The following TYW1B variants were observed in gnomAD, a reference collection of about 807,000 sequenced individuals.
TYW1B encodes the protein tRNA-yW synthesizing protein 1 homolog B, also known as S-adenosyl-L-methionine-dependent tRNA 4-demethylwyosine synthase TYW1B.
A neutral mutation model predicts 86.9 loss-of-function variants in TYW1B; 73 were observed. That is an observed-to-expected ratio of 0.84 (90% confidence interval 0.70 to 1.02). The LOEUF is 1.02. Among genes scored for constraint, TYW1B ranks in the 50% least tolerant of loss-of-function variants. The pLI, the probability that TYW1B is intolerant of heterozygous loss-of-function variation, is 0.00. For missense variants in TYW1B, 637 were observed against 827.4 expected, an observed-to-expected ratio of 0.77 and a Z score of 2.82; for synonymous variants, 248 against 292.8, an observed-to-expected ratio of 0.85 and a Z score of 1.56.
At chr7:72,819,045 G>A (rs1185485692) in intron 2 of TYW1B, among the ~76,000 whole-genome samples, 1 of 152,114 alleles carries the variant, frequency 6.6e-6, no homozygotes, top group East Asian at 1.9e-4. Context: ...CTAACACAAG[G>A]ATAAAGTGAG....
At chr7:72,650,829 T>C (rs1415559661) in intron 11 of TYW1B, among the ~76,000 whole-genome samples, 2 of 152,078 alleles carry the variant, frequency 1.3e-5, no homozygotes, top group African/African-American at 2.4e-5. Flanking sequence ...TAGGCTTTAG[T>C]GGAAGAAAAT....
intron 8 of TYW1B, among the ~76,000 whole-genome samples, chr7:72,737,848 C>T (rs1292847583): frequency 1.3e-4 from 19 of 148,094 alleles, no homozygotes; most frequent in South Asian, 2.1e-4. Context: ...GATCTCGGCT[C>T]ACTGCAAGCT....
chr7:72,586,103 T>C (rs1157130125), intron 13 of TYW1B, among the ~76,000 whole-genome samples: 3 of 152,194 alleles, frequency 2.0e-5, no homozygotes, highest in African/African-American at 7.2e-5. Flanking sequence ...TATGTTTTAT[T>C]ATAGCAGGAG....
At chr7:72,824,370 T>C (rs1412079836) in intron 2 of TYW1B, among the ~76,000 whole-genome samples, 1 of 151,938 alleles carries the variant, frequency 6.6e-6, no homozygotes, top group Non-Finnish European at 1.5e-5. Flanking sequence ...AGGGCCAAGG[T>C]GGGTGAATAT....
intron 8 of TYW1B, among the ~76,000 whole-genome samples, chr7:72,738,801 T>C (rs1365006078): frequency 6.6e-6 from 1 of 152,152 alleles, no homozygotes; most frequent in African/African-American, 2.4e-5. Context: ...TATGGTATAG[T>C]AGCCCACGCC....
intron 11 of TYW1B, among the ~76,000 whole-genome samples, chr7:72,658,298 T>C (rs1207303921): frequency 2.7e-5 from 4 of 149,962 alleles, no homozygotes; most frequent in African/African-American, 9.8e-5. Context: ...GACATATCCA[T>C]GGAATAAAAT....
At chr7:72,631,099 C>G (rs1320555914) in intron 11 of TYW1B, among the ~76,000 whole-genome samples, 1 of 151,500 alleles carries the variant, frequency 6.6e-6, no homozygotes, top group Non-Finnish European at 1.5e-5. Flanking sequence ...TAAAACAAAA[C>G]AGAATGAGCA....
intron 6 of TYW1B, among the ~76,000 whole-genome samples, chr7:72,781,888 C>T (rs1300273051): frequency 6.6e-6 from 1 of 152,220 alleles, no homozygotes; most frequent in Admixed American, 6.5e-5. Context: ...GCAATGAATA[C>T]ACAAAACATT....
intron 7 of TYW1B, among the ~76,000 whole-genome samples, chr7:72,748,684 G>A (rs1289427530): frequency 1.3e-5 from 2 of 151,482 alleles, no homozygotes; most frequent in Non-Finnish European, 1.5e-5. Flanking sequence ...AGAATCAATT[G>A]ATATGACTGA....
At chr7:72,724,335 C>T (rs1286857689) in intron 9 of TYW1B, among the ~76,000 whole-genome samples, 28 of 151,926 alleles carry the variant, frequency 1.8e-4, no homozygotes, top group African/African-American at 5.3e-4. Context: ...AGCTGAAGCG[C>T]GGTAGCATGC....
At chr7:72,599,137 T>C (rs1164918344) in intron 13 of TYW1B, among the ~76,000 whole-genome samples, 3 of 152,064 alleles carry the variant, frequency 2.0e-5, no homozygotes, top group African/African-American at 7.2e-5. Context: ...GTAAAATCAA[T>C]AAAATGTTAG....
chr7:72,827,719 C>G (rs1341070911), intron 1 of TYW1B, among the ~76,000 whole-genome samples: 1 of 151,886 alleles, frequency 6.6e-6, no homozygotes, highest in Admixed American at 6.6e-5. Context: ...GACCTTACGT[C>G]TCATTTTTTT....
intron 11 of TYW1B, among the ~76,000 whole-genome samples, chr7:72,677,821 C>A (rs1813769333): frequency 6.6e-6 from 1 of 152,128 alleles, no homozygotes; most frequent in Admixed American, 6.5e-5. Flanking sequence ...CCTGCCTCAG[C>A]CTCCTGAGTA....
chr7:72,717,571 C>T (rs1188507519), intron 9 of TYW1B, among the ~76,000 whole-genome samples: 1 of 152,006 alleles, frequency 6.6e-6, no homozygotes, highest in African/African-American at 2.4e-5. Flanking sequence ...GAGCTCAGAA[C>T]ACACATTCTT....
chr7:72,633,961 C>G (rs1305012297), intron 11 of TYW1B, among the ~76,000 whole-genome samples: 1 of 151,970 alleles, frequency 6.6e-6, no homozygotes, highest in Admixed American at 6.6e-5. Flanking sequence ...TCAGTGAATT[C>G]GATGTTTGCA....
intron 11 of TYW1B, among the ~76,000 whole-genome samples, chr7:72,662,472 TAGATA>T (rs1813356924): frequency 6.6e-6 from 1 of 152,080 alleles, no homozygotes; most frequent in African/African-American, 2.4e-5. Flanking sequence ...GATAGATAGA[TAGATA>T]AATTTTTTTC....
At chr7:72,636,632 A>T (rs1554440794) in intron 11 of TYW1B, among the ~76,000 whole-genome samples, 1 of 152,232 alleles carries the variant, frequency 6.6e-6, no homozygotes, top group East Asian at 1.9e-4. Flanking sequence ...ATCATAAATA[A>T]ATATTGATTT....
intron 11 of TYW1B, among the ~76,000 whole-genome samples, chr7:72,633,180 T>C (rs1812583555): frequency 6.6e-6 from 1 of 152,266 alleles, no homozygotes; most frequent in African/African-American, 2.4e-5. Flanking sequence ...CCCCTTTATT[T>C]GCATTGGCCT....
intron 12 of TYW1B, among the ~76,000 whole-genome samples, chr7:72,623,608 T>C (rs1315319034): frequency 3.3e-5 from 5 of 152,102 alleles, no homozygotes; most frequent in African/African-American, 1.2e-4. Context: ...TCCAGAATGG[T>C]CTCTTTTCTT....
Sources: allele counts gnomAD v4.1 joint callset (sites outside exome capture counted in the v4.1 genomes callset), GRCh38; gene constraint gnomAD v4.1.1; transcripts MANE v1.5; gene names NCBI Gene and HGNC (gene_info 2026-07-23, HGNC 2026-07-21).